Variants in TCEANC2 observed in about 807,000 individuals in gnomAD.
TCEANC2 encodes transcription elongation factor A N-terminal and central domain containing 2.
TCEANC2 carries 20 observed loss-of-function variants against 22.8 expected under a neutral mutation model. The observed-to-expected ratio is 0.88, with a 90% CI of 0.62 to 1.28. The LOEUF (loss-of-function observed/expected upper bound fraction) is 1.28, where lower values mean the gene tolerates loss of function less well. Among genes scored for constraint, TCEANC2 ranks in the 50% most tolerant of loss-of-function variants. TCEANC2 has a pLI of 0.00. For synonymous variants in TCEANC2, 84 were observed against 95.5 expected (o/e 0.88, Z 0.70); for missense variants, 251 against 249.7 (o/e 1.01, Z -0.03).
At chr1:54,061,751 G>GA (rs141123326) in intron 2 of TCEANC2, among the ~76,000 whole-genome samples, 15,732 of 143,954 alleles carry the variant, frequency 0.11, 1,950 homozygotes, top group African/African-American at 0.31. Flanking sequence ...GGGTGAGCTG[G>GA]AAAAAAAAAA....
intron 2 of TCEANC2, 87 bp downstream of exon 2, chr1:54,054,611 A>T: frequency 7.4e-7 from 1 of 1,349,386 alleles, no homozygotes; most frequent in East Asian, 2.4e-5. Context: ...AGACCTATGA[A>T]TTATTTCTTG....
At chr1:54,069,893 A>C (rs1056874682) in intron 3 of TCEANC2, among the ~76,000 whole-genome samples, 1 of 152,178 alleles carries the variant, frequency 6.6e-6, no homozygotes, top group Admixed American at 6.5e-5. Context: ...TACGTAAGGG[A>C]GGGCCAACAT....
intron 2 of TCEANC2, among the ~76,000 whole-genome samples, chr1:54,066,814 A>G (rs1657966795): frequency 6.6e-6 from 1 of 152,216 alleles, no homozygotes; most frequent in African/African-American, 2.4e-5. Flanking sequence ...ATCATTTTAT[A>G]TTGTAACAGA....
chr1:54,110,832 C>T (rs902093983), downstream of TCEANC2, among the ~76,000 whole-genome samples: 2 of 152,114 alleles, frequency 1.3e-5, no homozygotes, highest in African/African-American at 4.8e-5. Flanking sequence ...GCACTCTTCC[C>T]TCTGCCCAGC....
At chr1:54,065,650 C>T (rs1265266001) in intron 2 of TCEANC2, among the ~76,000 whole-genome samples, 2 of 151,710 alleles carry the variant, frequency 1.3e-5, no homozygotes, top group Admixed American at 6.6e-5. Context: ...CCCAGGAGAT[C>T]GAGGCTGCAG....
intron 3 of TCEANC2, among the ~76,000 whole-genome samples, chr1:54,075,387 C>T (rs1464322844): frequency 6.6e-6 from 1 of 152,156 alleles, no homozygotes; most frequent in Admixed American, 6.5e-5. Flanking sequence ...GATCTGGCTC[C>T]TTGCAGGCAG....
chr1:54,066,489 T>C (rs1045835630), intron 2 of TCEANC2, among the ~76,000 whole-genome samples: 1 of 152,002 alleles, frequency 6.6e-6, no homozygotes, highest in African/African-American at 2.4e-5. Context: ...AAGTTGAAAG[T>C]AAAGAGATGA....
intron 2 of TCEANC2, among the ~76,000 whole-genome samples, chr1:54,065,244 G>T (rs908233992): frequency 6.6e-6 from 1 of 152,120 alleles, no homozygotes; most frequent in African/African-American, 2.4e-5. Flanking sequence ...GCTAAAAAGA[G>T]AAATATTTAG....
chr1:54,067,567 T>C (rs555454667), intron 2 of TCEANC2, among the ~76,000 whole-genome samples: 14 of 152,360 alleles, frequency 9.2e-5, no homozygotes, highest in African/African-American at 3.4e-4. Flanking sequence ...CTCTTTTCCT[T>C]TTCCTGGCTT....
At chr1:54,054,587 G>A in intron 2 of TCEANC2, 63 bp downstream of exon 2, 2 of 1,498,856 alleles carry the variant, frequency 1.3e-6, no homozygotes, top group Non-Finnish European at 1.8e-6. Flanking sequence ...GGTGCTAGAG[G>A]TTCTGTTGTG....
At chr1:54,094,637 T>G (rs1263224314) in intron 4 of TCEANC2, among the ~76,000 whole-genome samples, 2 of 152,204 alleles carry the variant, frequency 1.3e-5, no homozygotes, top group African/African-American at 2.4e-5. Flanking sequence ...CCTACTAGAC[T>G]AGGCTGCCCA....
chr1:54,070,688 G>T (rs997202833), intron 3 of TCEANC2, among the ~76,000 whole-genome samples: 1 of 152,202 alleles, frequency 6.6e-6, no homozygotes, highest in Admixed American at 6.5e-5. Context: ...CTATGCTGAA[G>T]ATTTCATTTG....
intron 3 of TCEANC2, among the ~76,000 whole-genome samples, chr1:54,082,697 G>A (rs1258328090): frequency 6.6e-6 from 1 of 152,142 alleles, no homozygotes; most frequent in Non-Finnish European, 1.5e-5. Context: ...GCAAAAGAGT[G>A]GGAGGGGTGA....
intron 2 of TCEANC2, among the ~76,000 whole-genome samples, chr1:54,063,564 C>T (rs146409774): frequency 5.3e-5 from 8 of 152,154 alleles, no homozygotes; most frequent in Non-Finnish European, 1.0e-4. Flanking sequence ...AATCTGAAAT[C>T]AGAATGTCAC....
intron 3 of TCEANC2, among the ~76,000 whole-genome samples, chr1:54,079,309 C>A (rs995055176): frequency 2.0e-5 from 3 of 152,032 alleles, no homozygotes; most frequent in African/African-American, 7.3e-5. Context: ...TTCCATTTTA[C>A]AAATGGAAAA....
chr1:54,074,843 C>A (rs1372883061), intron 3 of TCEANC2, among the ~76,000 whole-genome samples: 4 of 152,162 alleles, frequency 2.6e-5, no homozygotes, highest in African/African-American at 9.7e-5. Flanking sequence ...ATAGACAACT[C>A]TTTCAAGAAG....
intron 2 of TCEANC2, among the ~76,000 whole-genome samples, chr1:54,064,995 C>T (rs113164845): frequency 1.3e-5 from 2 of 152,202 alleles, no homozygotes; most frequent in East Asian, 1.9e-4. Flanking sequence ...CCACTGTGCC[C>T]GGCTGGGGTT....
intron 4 of TCEANC2, among the ~76,000 whole-genome samples, chr1:54,094,465 C>T (rs187595464): frequency 6.6e-6 from 1 of 152,346 alleles, no homozygotes; most frequent in East Asian, 1.9e-4. Flanking sequence ...CCAGATCCTA[C>T]TCATGCTCCA....
intron 3 of TCEANC2, among the ~76,000 whole-genome samples, chr1:54,081,482 A>G (rs914694473): frequency 6.6e-6 from 1 of 152,118 alleles, no homozygotes; most frequent in Non-Finnish European, 1.5e-5. Context: ...CCTGCACTCA[A>G]GCGATCCTCC....
Sources: gnomAD v4.1 joint callset for allele counts (sites outside exome capture counted in the v4.1 genomes callset) on GRCh38, gnomAD v4.1.1 for gene constraint, MANE v1.5 for transcripts, NCBI Gene and HGNC (gene_info 2026-07-23, HGNC 2026-07-21) for gene names.